Variants in FMN2 observed in about 807,000 individuals in gnomAD.
The protein encoded by FMN2 is formin 2.
In FMN2, 51 loss-of-function variants were observed where a neutral mutation model predicts 142.3. That is an observed-to-expected ratio of 0.36 (90% CI 0.29 to 0.45). The LOEUF (loss-of-function observed/expected upper bound fraction) is 0.45, where lower values mean the gene tolerates loss of function less well. FMN2 is among the 20% of genes least tolerant of loss of function. The pLI is 1.00. For synonymous variants in FMN2, 882 were observed against 869.8 expected (o/e 1.01, Z -0.25); for missense variants, 1,936 against 2,122.8 (o/e 0.91, Z 1.73).
rs71168902 is a variant in FMN2, at chr1:240,145,530, A to ATTTTTTTT, written c.1782+22207_1782+22214dup. On this transcript the variant is annotated intron_variant, in intron 2 of 17. Coordinates refer to ENST00000319653, the MANE Select transcript of FMN2 (RefSeq NM_020066.5). ...AGGCAATTTTTCTTTTTCTTTTTCT[A>ATTTTTTTT]TTTTTTTTTTTTTTTTTTTTTTTTT... 4.0e-4 allele frequency: 34 copies of ATTTTTTTT among 84,368 alleles called. 1 individual carries two copies. Among genetic ancestry groups the ATTTTTTTT allele is most frequent in the East Asian group, 1.0e-3 (3 of 2,932 alleles). 5.2% of individuals were successfully genotyped at this position (84,368 alleles called of 1,614,324 possible).
At chr1:240,309,400 C>A (rs1670524809) in intron 8 of FMN2, among the ~76,000 whole-genome samples, 1 of 152,130 alleles carries the variant, frequency 6.6e-6, no homozygotes, top group South Asian at 2.1e-4. Flanking sequence ...ACGTGAAGCC[C>A]AGAGTGTACA....
chr1:240,124,926 A>T (rs1220241344), intron 2 of FMN2, among the ~76,000 whole-genome samples: 3 of 152,120 alleles, frequency 2.0e-5, no homozygotes, highest in Admixed American at 2.0e-4. Flanking sequence ...CCGGCCTCCC[A>T]AAGTGCTGGG....
intron 6 of FMN2, among the ~76,000 whole-genome samples, chr1:240,212,996 TAAGG>T (rs1666753015): frequency 6.6e-6 from 1 of 152,174 alleles, no homozygotes; most frequent in Admixed American, 6.5e-5. Context: ...GGAATACAGA[TAAGG>T]AAGAAGTCTC....
chr1:240,424,173 C>T (rs1318149720), intron 15 of FMN2, among the ~76,000 whole-genome samples: 1 of 152,080 alleles, frequency 6.6e-6, no homozygotes, highest in Non-Finnish European at 1.5e-5. Context: ...AGCAACATGT[C>T]ATGAAATATG....
In FMN2 at chr1:240,336,692, G is replaced by GTA. The variant is rs1467281157; in HGVS notation, c.4765+2464_4765+2465insAT. Among the ~76,000 whole-genome samples, 21 of 151,974 alleles carry GTA rather than the reference G, an allele frequency of 1.4e-4. No homozygotes were observed. In the East Asian group the frequency reaches 3.1e-3, roughly 22 times the overall value. On this transcript the variant is annotated intron_variant, in intron 13 of 17. Coordinates refer to ENST00000319653, the MANE Select transcript of FMN2 (RefSeq NM_020066.5). ...TTGAGAAATGCAAGGCTGGTGTACT[G>GTA]TGTTAGTAACAGAAGAATGGCATTT...
At chr1:240,388,553 C>T (rs1243650964) in intron 14 of FMN2, among the ~76,000 whole-genome samples, 1 of 152,014 alleles carries the variant, frequency 6.6e-6, no homozygotes, top group Non-Finnish European at 1.5e-5. Context: ...TCTCAGAGAT[C>T]TGGGATGCCC....
At chr1:240,224,076 G>A (rs922481934) in intron 6 of FMN2, among the ~76,000 whole-genome samples, 2 of 152,090 alleles carry the variant, frequency 1.3e-5, no homozygotes, top group African/African-American at 4.8e-5. Flanking sequence ...TTTGATGTTA[G>A]AGTGTTGATT....
chr1:240,281,995 A>T (rs909121336), intron 7 of FMN2, among the ~76,000 whole-genome samples: 6 of 152,164 alleles, frequency 3.9e-5, no homozygotes, highest in African/African-American at 1.2e-4. Context: ...TTATTTTCTA[A>T]TTTATATTTT....
intron 3 of FMN2, among the ~76,000 whole-genome samples, chr1:240,181,044 G>A (rs1181048086): frequency 6.6e-6 from 1 of 150,998 alleles, no homozygotes; most frequent in African/African-American, 2.4e-5. Flanking sequence ...TCACTCTGTC[G>A]CCCAGGCTGG....
intron 13 of FMN2, among the ~76,000 whole-genome samples, chr1:240,342,732 T>C (rs1262617546): frequency 6.6e-6 from 1 of 152,166 alleles, no homozygotes; most frequent in Non-Finnish European, 1.5e-5. Flanking sequence ...CTTAGAGACA[T>C]TGTGGTCTCA....
chr1:240,121,160 A>T (rs1558305218), intron 1 of FMN2, among the ~76,000 whole-genome samples: 2 of 152,056 alleles, frequency 1.3e-5, no homozygotes. Flanking sequence ...CAAAAAAAAA[A>T]AAATGTGTCA....
intron 15 of FMN2, among the ~76,000 whole-genome samples, chr1:240,412,785 T>A (rs1043464785): frequency 6.6e-6 from 1 of 151,946 alleles, no homozygotes; most frequent in African/African-American, 2.4e-5. Flanking sequence ...GAGAAGATCA[T>A]TATGGATGAT....
At chr1:240,323,487 C>G (rs12071178) in intron 8 of FMN2, among the ~76,000 whole-genome samples, 3 of 152,046 alleles carry the variant, frequency 2.0e-5, no homozygotes, top group Non-Finnish European at 4.4e-5. Context: ...TGAGCCATGC[C>G]CCTGGCCCAG....
chr1:240,228,016 G>C (rs1190033398), intron 6 of FMN2, among the ~76,000 whole-genome samples: 1 of 151,856 alleles, frequency 6.6e-6, no homozygotes, highest in Admixed American at 6.6e-5. Flanking sequence ...ATTTCAAAAT[G>C]GGCAAGGCCG....
intron 14 of FMN2, among the ~76,000 whole-genome samples, chr1:240,368,528 G>A (rs1672756634): frequency 6.6e-6 from 1 of 151,990 alleles, no homozygotes; most frequent in Admixed American, 6.6e-5. Flanking sequence ...AATTCAAATA[G>A]CTTACATCTT....
intron 15 of FMN2, among the ~76,000 whole-genome samples, chr1:240,395,470 A>G (rs1673743813): frequency 6.6e-6 from 1 of 152,216 alleles, no homozygotes; most frequent in African/African-American, 2.4e-5. Context: ...GGTGAAGTAA[A>G]TTGAAACCTT....
intron 16 of FMN2, among the ~76,000 whole-genome samples, chr1:240,443,384 C>G (rs373750090): frequency 2.0e-5 from 3 of 152,288 alleles, no homozygotes; most frequent in African/African-American, 4.8e-5. Flanking sequence ...CTAGACTTGT[C>G]ATCACTGAGC....
intron 14 of FMN2, among the ~76,000 whole-genome samples, chr1:240,378,741 G>T (rs904692591): frequency 6.6e-6 from 1 of 151,946 alleles, no homozygotes; most frequent in Non-Finnish European, 1.5e-5. Flanking sequence ...CTAATCTTAC[G>T]TGATTTCCAT....
At chr1:240,299,642 T>C (rs1196030069) in intron 8 of FMN2, among the ~76,000 whole-genome samples, 1 of 152,154 alleles carries the variant, frequency 6.6e-6, no homozygotes, top group African/African-American at 2.4e-5. Context: ...TTCCTTCTTG[T>C]TGATGTAATT....
Sources: allele counts gnomAD v4.1 joint callset (sites outside exome capture counted in the v4.1 genomes callset), GRCh38; gene constraint gnomAD v4.1.1; transcripts MANE v1.5; gene names NCBI Gene and HGNC (gene_info 2026-07-23, HGNC 2026-07-21).